CCDC134: variants seen among roughly 807,000 people sequenced by gnomAD.
The protein encoded by CCDC134 is coiled-coil domain-containing protein 134.
Under a neutral mutation model 25.6 loss-of-function variants are expected in CCDC134, and 27 were observed. The observed-to-expected ratio is 1.05, with a 90% CI of 0.78 to 1.45. CCDC134 has a LOEUF of 1.45. Among genes scored for constraint, CCDC134 ranks in the 40% most tolerant of loss-of-function variants. The pLI, the probability that CCDC134 is intolerant of heterozygous loss-of-function variation, is 0.00. For synonymous variants in CCDC134, 110 were observed against 115.0 expected, an observed-to-expected ratio of 0.96 and a Z score of 0.28; for missense variants, 261 against 286.7, an observed-to-expected ratio of 0.91 and a Z score of 0.65.
Position 41,813,273 on chromosome 22 carries a change from A to G in CCDC134, c.320A>G (p.His107Arg), listed in dbSNP as rs1350864716. Reference protein sequence around the residue: ...QDEKLKDAFSHVVENTAFFGD... With the variant: ...QDEKLKDAFSRVVENTAFFGD... ...AGGGTCCTCTCGCCAGCTTTCTCCC[A>G]CGTGGTGGAGAACACGGCCTTCTTC... Residue 107 changes from histidine to arginine, a missense_variant, in exon 5 of 7, where the codon CAC becomes CGC. By Grantham distance (29) the His-to-Arg change is conservative. Transcript: ENST00000255784. 1 of 1,614,048 alleles carries G rather than the reference A, an allele frequency of 6.2e-7. No individual in the cohort carries two copies. The highest frequency in any genetic ancestry group is 8.5e-7 in the Non-Finnish European group (1 of 1,180,004).
At chr22:41,818,345 C>T (rs759324951) in intron 6 of CCDC134, among the ~76,000 whole-genome samples, 2 of 152,176 alleles carry the variant, frequency 1.3e-5, no homozygotes, top group African/African-American at 2.4e-5. Flanking sequence ...ATGGCAAACT[C>T]CCCGGAGCAA....
At position 41,825,882 on chromosome 22, in the gene CCDC134, G is replaced by A; in HGVS notation, c.*59G>A. The A allele has an allele frequency of 1.2e-6, 2 of 1,600,578 alleles. No homozygotes were observed. The highest frequency in any genetic ancestry group is 1.7e-6 in the Non-Finnish European group (2 of 1,172,220). The stretch of plus-strand genomic sequence containing the variant: ...GGAGGCAGGTCGGGAGGAAGAAGAG[G>A]TGGAGGTGTGGTTGTGGTGGAGAGC... On this transcript the variant is annotated 3_prime_UTR_variant, in exon 7 of 7. Coordinates refer to ENST00000255784, the MANE Select transcript of CCDC134 (RefSeq NM_024821.5). The surrounding 1 kb of genome is among the most constrained non-coding windows in gnomAD (Gnocchi z 4.4).
In CCDC134 at chr22:41,830,884, CTTTT is replaced by C. The variant is rs67246997; in HGVS notation, c.*5080_*5083del. 4.3e-5 allele frequency among the ~76,000 whole-genome samples: 5 copies of C among 117,258 alleles called. No individual in the cohort carries two copies. The highest frequency in any genetic ancestry group is 8.3e-5 in the Non-Finnish European group (5 of 60,468). 76.9% of individuals were successfully genotyped at this position (117,258 alleles called of 152,430 possible). ...AGATCCTTATTTTTTCTTTTCTTTT[CTTTT>C]TTTTTTTTTTTTTTTTTTGAGACGC... On this transcript the variant is annotated 3_prime_UTR_variant, in exon 7 of 7. Transcript: ENST00000255784.
chr22:41,811,314 C>T (rs1229373015), intron 4 of CCDC134, among the ~76,000 whole-genome samples: 1 of 152,214 alleles, frequency 6.6e-6, no homozygotes, highest in African/African-American at 2.4e-5. Context: ...TTATTAGGGA[C>T]TTCTGAACAG....
intron 1 of CCDC134, 98 bp downstream of exon 1, chr22:41,800,864 C>G (rs2076537476): frequency 6.6e-6 from 1 of 152,230 alleles, no homozygotes; most frequent in African/African-American, 2.4e-5. Context: ...GAGGGAGTTT[C>G]GTGGACCTGG....
At position 41,828,320 on chromosome 22, in the gene CCDC134, G is replaced by C. The variant is rs755154329; in HGVS notation, c.*2497G>C. 6.6e-5 allele frequency among the ~76,000 whole-genome samples: 10 copies of C among 152,182 alleles called. No individual in the cohort carries two copies. Among genetic ancestry groups the C allele is most frequent in the Non-Finnish European group, 1.3e-4 (9 of 68,036 alleles). Reference sequence around the variant, plus strand: ...TGAAAGGATGAAACCTGGAATTTAAGTGACTTCTCAGTGATGTGTGCCCTT... The same window carrying C: ...TGAAAGGATGAAACCTGGAATTTAACTGACTTCTCAGTGATGTGTGCCCTT... On this transcript the variant is annotated 3_prime_UTR_variant, in exon 7 of 7. Transcript: ENST00000255784.
At chr22:41,821,395 G>A (rs1422214881) in intron 6 of CCDC134, among the ~76,000 whole-genome samples, 3 of 151,168 alleles carry the variant, frequency 2.0e-5, no homozygotes, top group Admixed American at 6.6e-5. Context: ...ATGTATACAT[G>A]TGCCATGCTG....
chr22:41,813,926 C>A (rs907334422), intron 6 of CCDC134, 104 bp downstream of exon 6: 8 of 991,130 alleles, frequency 8.1e-6, no homozygotes, highest in African/African-American at 1.6e-5. Context: ...GGACTTGGAG[C>A]CAGGCAGCCT....
rs1007301766 is a variant in CCDC134 at position 41,830,134 on chromosome 22, C to T, written c.*4311C>T. Among the ~76,000 whole-genome samples the T allele has an allele frequency of 4.6e-5, 7 of 152,202 alleles. No individual in the cohort carries two copies. The highest frequency in any genetic ancestry group is 1.7e-4 in the African/African-American group (7 of 41,430). ...AGTGACTTGTCAAAAGCTGTTCTAC[C>T]TCTCAGAGCCAGCCCTTGTCCTCCT... On this transcript the variant is annotated 3_prime_UTR_variant, in exon 7 of 7. Coordinates refer to ENST00000255784, the MANE Select transcript of CCDC134 (RefSeq NM_024821.5).
chr22:41,813,573 TC>T, intron 5 of CCDC134, 128 bp downstream of exon 5: 1 of 1,272,054 alleles, frequency 7.9e-7, no homozygotes, highest in South Asian at 1.4e-5. Flanking sequence ...CTTCAGGGTA[TC>T]TTGGGCCACA....
rs1569360189 is a variant in CCDC134, at chr22:41,826,254, C to T, written c.*431C>T. 6.1e-6 allele frequency: 1 copy of T among 164,508 alleles called. No homozygotes were observed. The highest frequency in any genetic ancestry group is 1.3e-5 in the Non-Finnish European group (1 of 75,224). The allele number at this position is 164,508 out of a possible 1,614,324, so 10.2% of individuals were successfully genotyped here. The stretch of plus-strand genomic sequence containing the variant: ...AGAGCTGCCTGGCACAGGTCCCAGC[C>T]CCTCTGCAGAGACACAATAAAAGCC... On this transcript the variant is annotated 3_prime_UTR_variant, in exon 7 of 7. Coordinates refer to ENST00000255784, the MANE Select transcript of CCDC134 (RefSeq NM_024821.5).
intron 6 of CCDC134, among the ~76,000 whole-genome samples, chr22:41,816,700 T>C (rs951794407): frequency 3.3e-5 from 5 of 152,320 alleles, no homozygotes; most frequent in East Asian, 3.9e-4. Flanking sequence ...GGGCGGATCA[T>C]GAGGTCAGGA....
intron 1 of CCDC134, among the ~76,000 whole-genome samples, chr22:41,802,939 AAAAT>A (rs2076550897): frequency 6.8e-6 from 1 of 147,404 alleles, no homozygotes; most frequent in Non-Finnish European, 1.5e-5. Context: ...AAAAAAATAA[AAAAT>A]AAATAAAATA....
In CCDC134 at chr22:41,825,113, G is replaced by A. The variant is rs1428873078; in HGVS notation, c.565-585G>A. Among the ~76,000 whole-genome samples the A allele has an allele frequency of 6.6e-6, 1 of 152,096 alleles. No homozygotes were observed. Among genetic ancestry groups the A allele is most frequent in the Non-Finnish European group, 1.5e-5 (1 of 68,018 alleles). ...ACATCCTAAAGGAGGTCTCAGACAG[G>A]CATTTGGAAATGGAGATGCAAGTTT... On this transcript the variant is annotated intron_variant, in intron 6 of 6. Transcript: ENST00000255784. This position sits in a 1 kb window ranked among gnomAD's most constrained non-coding sequence, Gnocchi z 4.4.
chr22:41,809,046 G>A (rs2076581989), intron 2 of CCDC134, 53 bp downstream of exon 2: 1 of 1,443,572 alleles, frequency 6.9e-7, no homozygotes. Flanking sequence ...CTATAAATGA[G>A]GTTCTTCTAC....
Position 41,810,372 on chromosome 22 carries a change from C to CT in CCDC134, c.310+88dup, listed in dbSNP as rs1009513396. Reference sequence around the variant, plus strand: ...CTCCTTCTCTCCTGTTCTTGTCACTCTTTTTTTCTCCCCGGAAGTGCCCTC... The same window carrying CT: ...CTCCTTCTCTCCTGTTCTTGTCACTCTTTTTTTTCTCCCCGGAAGTGCCCTC... On this transcript the variant is annotated intron_variant, in intron 4 of 6. Coordinates refer to ENST00000255784, the MANE Select transcript of CCDC134 (RefSeq NM_024821.5). 10 of 1,352,960 alleles carry CT rather than the reference C, an allele frequency of 7.4e-6. No individual in the cohort carries two copies. In the African/African-American group the frequency reaches 1.0e-4, roughly 14 times the overall value. 83.8% of individuals were successfully genotyped at this position (1,352,960 alleles called of 1,614,324 possible).
intron 6 of CCDC134, among the ~76,000 whole-genome samples, chr22:41,815,845 T>G (rs2076620444): frequency 6.6e-6 from 1 of 152,046 alleles, no homozygotes; most frequent in African/African-American, 2.4e-5. Context: ...AGACAGGTTC[T>G]TGCTGTGCTG....
rs761503026 is a variant in CCDC134, at chr22:41,828,094, A to G, written c.*2271A>G. ...AGGTTCTTTCTACTGAATAACTTCT[A>G]CGGGCTCTGTCATTAGCAGGATTTG... On this transcript the variant is annotated 3_prime_UTR_variant, in exon 7 of 7. Coordinates refer to ENST00000255784, the MANE Select transcript of CCDC134 (RefSeq NM_024821.5). Among the ~76,000 whole-genome samples the G allele has an allele frequency of 2.0e-5, 3 of 152,186 alleles. No homozygotes were observed. Among genetic ancestry groups the G allele is most frequent in the Non-Finnish European group, 2.9e-5 (2 of 68,032 alleles).
intron 5 of CCDC134, 22 bp from the exon 6 acceptor site, chr22:41,813,729 A>G (rs776900866): frequency 3.7e-6 from 6 of 1,609,758 alleles, no homozygotes; most frequent in Non-Finnish European, 5.1e-6. Context: ...GCAGATGATG[A>G]CTAGTGTTTC....
Sources: allele counts gnomAD v4.1 joint callset (sites outside exome capture counted in the v4.1 genomes callset), GRCh38; gene constraint gnomAD v4.1.1; non-coding constraint Gnocchi (gnomAD v3.1); transcripts MANE v1.5; gene names NCBI Gene and HGNC (gene_info 2026-07-23, HGNC 2026-07-21).